Variants in DGKG observed in about 807,000 individuals in gnomAD.
The protein encoded by DGKG is DAG kinase gamma.
A neutral mutation model predicts 105.3 loss-of-function variants in DGKG; 78 were observed. That is an observed-to-expected ratio of 0.74 (90% CI 0.62 to 0.89). The LOEUF is 0.89. Among genes scored for constraint, DGKG ranks in the 40% least tolerant of loss-of-function variants. The probability of loss-of-function intolerance (pLI) is 0.00; values close to 1 mark genes in which losing one functional copy is unlikely to be tolerated. For missense variants in DGKG, 958 were observed against 1,020.1 expected, an observed-to-expected ratio of 0.94 and a Z score of 0.83; for synonymous variants, 346 against 367.1, an observed-to-expected ratio of 0.94 and a Z score of 0.66.
chr3:186,223,534 C>A (rs1259330249), intron 20 of DGKG, among the ~76,000 whole-genome samples: 2 of 152,056 alleles, frequency 1.3e-5, no homozygotes, highest in African/African-American at 2.4e-5. Flanking sequence ...CAAGGCAAGT[C>A]AAAAATGCAC....
At chr3:186,278,261 GA>G (rs1365641648) in intron 9 of DGKG, among the ~76,000 whole-genome samples, 86 of 148,554 alleles carry the variant, frequency 5.8e-4, no homozygotes, top group East Asian at 3.1e-3. Flanking sequence ...CCCTAAATGA[GA>G]AAAAAAAAAT....
At chr3:186,280,840 C>T in intron 7 of DGKG, 96 bp from the exon 8 acceptor site, 1 of 974,986 alleles carries the variant, frequency 1.0e-6, no homozygotes, top group East Asian at 2.5e-5. Flanking sequence ...GGAAGAGGGA[C>T]AGGGCAGGGC....
chr3:186,218,205 T>C (rs1304602581), intron 20 of DGKG, among the ~76,000 whole-genome samples: 1 of 152,056 alleles, frequency 6.6e-6, no homozygotes, highest in Non-Finnish European at 1.5e-5. Flanking sequence ...TTCCTCATCT[T>C]AAAAATGAAG....
In DGKG at chr3:186,260,638, C is replaced by T. The variant is rs541728699; in HGVS notation, c.1350-125G>A. ...TGGCAGGGATGAGGGTTCATTTAAACCCCGGAGGGGAGGGCACTGCCTGCT... is the reference window on the plus strand; with the variant it reads ...TGGCAGGGATGAGGGTTCATTTAAATCCCGGAGGGGAGGGCACTGCCTGCT... On this transcript the variant is annotated intron_variant, in intron 15 of 24. Transcript: ENST00000265022. The T allele has an allele frequency of 2.8e-5, 21 of 739,642 alleles. No individual in the cohort carries two copies. The East Asian group carries it at 5.0e-4, about 18-fold the overall frequency. The allele number at this position is 739,642 out of a possible 1,614,324, so 45.8% of individuals were successfully genotyped here.
intron 19 of DGKG, among the ~76,000 whole-genome samples, chr3:186,248,616 G>C (rs1043120348): frequency 3.9e-5 from 6 of 152,208 alleles, no homozygotes; most frequent in Non-Finnish European, 7.3e-5. Flanking sequence ...TCTGTTGTGG[G>C]GGTGGAATTT....
In DGKG at chr3:186,192,559, C is replaced by T. The variant is rs114547298; in HGVS notation, c.1918-4180G>A. 2.4e-3 allele frequency among the ~76,000 whole-genome samples: 368 copies of T among 152,246 alleles called. 2 individuals are homozygous for T. Among genetic ancestry groups the T allele is most frequent in the African/African-American group, 8.3e-3 (345 of 41,534 alleles). On this transcript the variant is annotated intron_variant, in intron 21 of 24. Coordinates refer to ENST00000265022, the MANE Select transcript of DGKG (RefSeq NM_001346.3). ...GATGAGGGAGGCAGCATTGCTACCC[C>T]CAACTGACAGGGCCTCTTAGGGGTT...
chr3:186,329,247 G>A (rs1425297557), intron 1 of DGKG, among the ~76,000 whole-genome samples: 1 of 152,196 alleles, frequency 6.6e-6, no homozygotes, highest in African/African-American at 2.4e-5. Context: ...AATTGCTTCA[G>A]CTCCTTTGGC....
intron 3 of DGKG, among the ~76,000 whole-genome samples, chr3:186,301,608 C>G (rs927908057): frequency 2.0e-5 from 3 of 152,342 alleles, no homozygotes; most frequent in African/African-American, 4.8e-5. Context: ...GCCTGGGTGA[C>G]AGAGCGAGAC....
chr3:186,337,618 C>G (rs184767036), intron 1 of DGKG, among the ~76,000 whole-genome samples: 1 of 152,044 alleles, frequency 6.6e-6, no homozygotes, highest in East Asian at 1.9e-4. Flanking sequence ...ATGAGAGATC[C>G]CAGTTAATGC....
At chr3:186,194,503 C>G (rs1718076356) in intron 21 of DGKG, among the ~76,000 whole-genome samples, 1 of 152,256 alleles carries the variant, frequency 6.6e-6, no homozygotes, top group South Asian at 2.1e-4. Context: ...GGAGATTCCA[C>G]AATTTATTTG....
At chr3:186,222,022 AC>A (rs1698088785) in intron 20 of DGKG, among the ~76,000 whole-genome samples, 1 of 151,910 alleles carries the variant, frequency 6.6e-6, no homozygotes, top group African/African-American at 2.4e-5. Context: ...CCTCACGTCT[AC>A]CCCCTGCGGT....
At position 186,185,671 on chromosome 3, in the gene DGKG, T is replaced by C. The variant is rs2108498541; in HGVS notation, c.2095+2531A>G. Among the ~76,000 whole-genome samples, 2 of 152,184 alleles carry C rather than the reference T, an allele frequency of 1.3e-5. 1 individual carries two copies. Among genetic ancestry groups the C allele is most frequent in the Admixed American group, 1.3e-4 (2 of 15,282 alleles). On this transcript the variant is annotated intron_variant, in intron 22 of 24. Coordinates refer to ENST00000265022, the MANE Select transcript of DGKG (RefSeq NM_001346.3). The stretch of plus-strand genomic sequence containing the variant: ...CCAGGGTAGGAAAATTTGCAGGAAC[T>C]TGATACAACCTTCAATGCTTCCCCT...
In DGKG at chr3:186,251,867, G is replaced by C. The variant is rs753801962; in HGVS notation, c.1653C>G (p.Pro551=). Residue 551 remains proline, a synonymous_variant, in exon 19 of 25, where the codon CCC becomes CCG. Transcript: ENST00000265022. ...GATGCCAGCGGTCCAGCATCACCAA[G>C]GGGCTCTGCTCAATGTCTTTCAGGA... ...TKILKDIEQS[P]LVMLDRWHLE... is the part of the protein sequence containing the mutation. The C allele has an allele frequency of 6.2e-7, 1 of 1,611,402 alleles. No homozygotes were observed. Among genetic ancestry groups the C allele is most frequent in the South Asian group, 1.1e-5 (1 of 90,748 alleles).
At chr3:186,340,119 G>T (rs756813484) in intron 1 of DGKG, among the ~76,000 whole-genome samples, 8 of 152,164 alleles carry the variant, frequency 5.3e-5, no homozygotes, top group Non-Finnish European at 1.0e-4. Context: ...ATGGAGAAGT[G>T]GTTTAAAATG....
chr3:186,252,251 T>C (rs1157195284), intron 18 of DGKG, among the ~76,000 whole-genome samples: 1 of 152,226 alleles, frequency 6.6e-6, no homozygotes, highest in Non-Finnish European at 1.5e-5. Flanking sequence ...GGCTGTGTCA[T>C]GTGGGAGATG....
chr3:186,287,848 GTCT>G (rs772689544), intron 6 of DGKG, among the ~76,000 whole-genome samples: 5 of 152,324 alleles, frequency 3.3e-5, no homozygotes, highest in Non-Finnish European at 5.9e-5. Flanking sequence ...TTGTTGACTA[GTCT>G]TATTATTAAC....
chr3:186,267,852 G>A, intron 12 of DGKG, 75 bp from the exon 13 acceptor site: 1 of 1,405,590 alleles, frequency 7.1e-7, no homozygotes, highest in Non-Finnish European at 1.0e-6. Flanking sequence ...GAGAGGTTTG[G>A]GGGAGAGGTG....
chr3:186,326,505 C>G (rs1210311931), intron 1 of DGKG, among the ~76,000 whole-genome samples: 2 of 152,044 alleles, frequency 1.3e-5, no homozygotes, highest in Non-Finnish European at 2.9e-5. Flanking sequence ...ACTTACACCT[C>G]CAACTCCAGT....
chr3:186,267,582 T>A, intron 13 of DGKG, 103 bp downstream of exon 13: 2 of 850,504 alleles, frequency 2.4e-6, no homozygotes, highest in Non-Finnish European at 4.0e-6. Context: ...ACCCAAAGAG[T>A]TGTCAGGGAA....
Sources: allele counts gnomAD v4.1 joint callset (sites outside exome capture counted in the v4.1 genomes callset), GRCh38; gene constraint gnomAD v4.1.1; transcripts MANE v1.5; gene names NCBI Gene and HGNC (gene_info 2026-07-23, HGNC 2026-07-21).